Variants in PDE10A observed in about 807,000 individuals in gnomAD.
PDE10A encodes the protein phosphodiesterase 10A, also known as cAMP and cAMP-inhibited cGMP 3',5'-cyclic phosphodiesterase 10A.
A neutral mutation model predicts 97.7 loss-of-function variants in PDE10A; 39 were observed. The observed-to-expected ratio is 0.40, with a 90% CI of 0.31 to 0.52. The LOEUF (loss-of-function observed/expected upper bound fraction) is 0.52, where lower values mean the gene tolerates loss of function less well. Among genes scored for constraint, PDE10A ranks in the 20% least tolerant of loss-of-function variants. The pLI is 0.56. For synonymous variants in PDE10A, 371 were observed against 376.8 expected (o/e 0.98, Z 0.18); for missense variants, 731 against 1,047.8 (o/e 0.70, Z 4.17).
At chr6:165,800,741 A>G (rs1191014352) in intron 1 of PDE10A, among the ~76,000 whole-genome samples, 1 of 152,244 alleles carries the variant, frequency 6.6e-6, no homozygotes, top group East Asian at 1.9e-4. Context: ...ACTACAACGC[A>G]GAGCCCATTT....
In PDE10A at chr6:165,662,734, G is replaced by T. The variant is rs1041220809; in HGVS notation, c.78C>A (p.Gly26=). ...LPAAGDEPGC[G]PGKLRPEPRL... ...GGGGTTCCGGGCGGAGTTTGCCGGG[G>T]CCGCAGCCCGGCTCGTCCCCGGCCG... The change falls in exon 1 of 22, where the codon GGC becomes GGA. Residue 26 remains glycine, a synonymous_variant. Transcript: ENST00000539869. Among the ~76,000 whole-genome samples the T allele has an allele frequency of 1.4e-5, 2 of 148,096 alleles. No individual in the cohort carries two copies. The highest frequency in any genetic ancestry group is 2.1e-4 in the South Asian group (1 of 4,802).
chr6:165,401,468 CTT>C (rs1309014662), intron 13 of PDE10A, among the ~76,000 whole-genome samples: 22 of 152,126 alleles, frequency 1.4e-4, no homozygotes, highest in Admixed American at 1.4e-3. Context: ...AATTTGGAAT[CTT>C]TGTCTTTTTG....
chr6:165,629,186 A>C (rs973087039), intron 1 of PDE10A, among the ~76,000 whole-genome samples: 6 of 152,194 alleles, frequency 3.9e-5, no homozygotes, highest in Admixed American at 1.3e-4. Flanking sequence ...GAAAATCCCT[A>C]TATGAAGTTC....
At chr6:165,779,600 T>C (rs1778291241) in intron 1 of PDE10A, among the ~76,000 whole-genome samples, 1 of 152,240 alleles carries the variant, frequency 6.6e-6, no homozygotes, top group African/African-American at 2.4e-5. Context: ...TAAAATATTG[T>C]TTAATTATTT....
At chr6:165,429,071 A>G (rs1476780355) in intron 9 of PDE10A, among the ~76,000 whole-genome samples, 1 of 152,150 alleles carries the variant, frequency 6.6e-6, no homozygotes, top group East Asian at 1.9e-4. Context: ...GATCTAAAAT[A>G]CAAATATTTA....
chr6:165,907,470 T>G (rs928068922), intron 1 of PDE10A, among the ~76,000 whole-genome samples: 6 of 152,242 alleles, frequency 3.9e-5, no homozygotes, highest in Admixed American at 3.3e-4. Context: ...TCTCTGTGCA[T>G]TGCACAGTGG....
rs138568874 is a variant in PDE10A, at chr6:165,690,019, A to G, written c.-614-146451T>C. 2.2e-4 allele frequency among the ~76,000 whole-genome samples: 34 copies of G among 152,268 alleles called. 1 individual carries two copies. In the East Asian group the frequency reaches 6.6e-3, roughly 29 times the overall value. ...TAACAAGACATTTTTAATGCAATTT[A>G]TGATTTACTTGCTGGGCTAGTTAAC... On this transcript the variant is annotated intron_variant, in intron 1 of 19. Coordinates refer to the PDE10A transcript ENST00000366882.
intron 1 of PDE10A, among the ~76,000 whole-genome samples, chr6:165,788,990 T>C (rs1425178303): frequency 6.6e-6 from 1 of 151,968 alleles, no homozygotes; most frequent in Non-Finnish European, 1.5e-5. Flanking sequence ...ATGGGACAGC[T>C]CCTGGTGGTG....
chr6:165,770,881 G>T (rs1422092728), intron 1 of PDE10A, among the ~76,000 whole-genome samples: 1 of 152,186 alleles, frequency 6.6e-6, no homozygotes, highest in Non-Finnish European at 1.5e-5. Flanking sequence ...CACCTTGCAC[G>T]TGAGCACACT....
At position 165,763,135 on chromosome 6, in the gene PDE10A, A is replaced by G. The variant is rs568737491; in HGVS notation, c.-614-219567T>C. ...CACCATTTCTAATGGAGATAGACAG[A>G]GCTCACATCCCGTGTCTGGTGTCTG... On this transcript the variant is annotated intron_variant, in intron 1 of 19. Coordinates refer to the PDE10A transcript ENST00000366882. Among the ~76,000 whole-genome samples the G allele has an allele frequency of 2.0e-5, 3 of 152,234 alleles. No homozygotes were observed. The South Asian group carries it at 6.2e-4, about 32-fold the overall frequency.
At chr6:165,926,623 G>A (rs1474605532) in intron 1 of PDE10A, among the ~76,000 whole-genome samples, 1 of 152,136 alleles carries the variant, frequency 6.6e-6, no homozygotes, top group Non-Finnish European at 1.5e-5. Context: ...AACAAGCCAG[G>A]CTTCCAGCCA....
intron 1 of PDE10A, among the ~76,000 whole-genome samples, chr6:165,852,781 T>C (rs2128475095): frequency 6.6e-6 from 1 of 152,236 alleles, no homozygotes; most frequent in East Asian, 1.9e-4. Context: ...TTTCTCTCTG[T>C]GCACATGAGC....
At chr6:165,594,325 T>C (rs1034322921) in intron 1 of PDE10A, among the ~76,000 whole-genome samples, 1 of 150,600 alleles carries the variant, frequency 6.6e-6, no homozygotes, top group African/African-American at 2.5e-5. Context: ...TGAAATATAG[T>C]AAGAAAATGT....
At chr6:165,603,251 T>TG (rs1207269323) in intron 1 of PDE10A, among the ~76,000 whole-genome samples, 2 of 152,198 alleles carry the variant, frequency 1.3e-5, no homozygotes, top group African/African-American at 4.8e-5. Context: ...GAGGAACCCC[T>TG]GCAAGAGACG....
chr6:165,735,250 G>T (rs988411318), intron 1 of PDE10A, among the ~76,000 whole-genome samples: 6 of 151,844 alleles, frequency 4.0e-5, no homozygotes, highest in Admixed American at 2.6e-4. Flanking sequence ...TGGGTAGGTA[G>T]GTAGGAAGAT....
chr6:165,507,656 G>A (rs1022206381), intron 2 of PDE10A, among the ~76,000 whole-genome samples: 4 of 151,992 alleles, frequency 2.6e-5, no homozygotes, highest in Non-Finnish European at 5.9e-5. Flanking sequence ...ATGATTTTTA[G>A]CTCCCCTTTT....
At chr6:165,590,344 A>T (rs959591166) in intron 1 of PDE10A, among the ~76,000 whole-genome samples, 3 of 152,240 alleles carry the variant, frequency 2.0e-5, no homozygotes, top group African/African-American at 7.2e-5. Flanking sequence ...CCACACAGCT[A>T]GTCTGTGGCA....
Position 165,619,725 on chromosome 6 carries a change from T to C in PDE10A, c.865+42222A>G, listed in dbSNP as rs1489350443. On this transcript the variant is annotated intron_variant, in intron 1 of 21. Transcript: ENST00000539869. ...CAGTGTAGTGTAGTGTAGTCCAGTG[T>C]AGTGTAGTGTAGTCTAGTGCAGTGT... Among the ~76,000 whole-genome samples the C allele has an allele frequency of 4.9e-5, 5 of 102,766 alleles. No individual in the cohort carries two copies. In the East Asian group the frequency reaches 6.9e-4, roughly 14 times the overall value. The allele number at this position is 102,766 out of a possible 152,430, so 67.4% of individuals were successfully genotyped here.
At chr6:165,894,245 A>G (rs182528599) in intron 1 of PDE10A, 30 of 454,968 alleles carry the variant, frequency 6.6e-5, no homozygotes, top group African/African-American at 5.6e-4. Flanking sequence ...GTCCTGTGAC[A>G]TGGTGGCAGG....
Sources: allele counts gnomAD v4.1 joint callset (sites outside exome capture counted in the v4.1 genomes callset), GRCh38; gene constraint gnomAD v4.1.1; transcripts MANE v1.5; gene names NCBI Gene and HGNC (gene_info 2026-07-23, HGNC 2026-07-21).